The following LIN54 variants were observed in gnomAD, a reference collection of about 807,000 sequenced individuals.
The protein encoded by LIN54 is protein lin-54 homolog.
In LIN54, 9 loss-of-function variants were observed where a neutral mutation model predicts 78.7. That is an observed-to-expected ratio of 0.11 (90% CI 0.07 to 0.20). The LOEUF (loss-of-function observed/expected upper bound fraction) is 0.20, where lower values mean the gene tolerates loss of function less well. Ranked by LOEUF, LIN54 falls within the 10% of genes least tolerant of loss-of-function variation. The pLI is 1.00. For synonymous variants in LIN54, 269 were observed against 318.4 expected (o/e 0.84, Z 1.65); for missense variants, 573 against 889.9 (o/e 0.64, Z 4.53).
At chr4:82,935,118 T>C (rs1722290663) in intron 11 of LIN54, among the ~76,000 whole-genome samples, 1 of 152,018 alleles carries the variant, frequency 6.6e-6, no homozygotes, top group African/African-American at 2.4e-5. Context: ...CCCTTTCCTA[T>C]TTTTATGCTC....
At position 82,924,950 on chromosome 4, in the gene LIN54, A is replaced by T. The variant is rs551538316; in HGVS notation, c.*3152T>A. On this transcript the variant is annotated 3_prime_UTR_variant, in exon 13 of 13. Coordinates refer to ENST00000340417, the MANE Select transcript of LIN54 (RefSeq NM_194282.4). ...ATTTTCTTAACTATTTGTGTTACAG[A>T]ACAATAAAAATAGATAACTTTTCTA... 6.5e-6 allele frequency: 1 copy of T among 152,792 alleles called. No individual in the cohort carries two copies. The highest frequency in any genetic ancestry group is 6.5e-5 in the Admixed American group (1 of 15,306). 9.5% of individuals were successfully genotyped at this position (152,792 alleles called of 1,614,324 possible).
In LIN54 at chr4:83,003,028, G is replaced by A. The variant is rs1729001411; in HGVS notation, c.-33+7456C>T. 2.0e-5 allele frequency among the ~76,000 whole-genome samples: 3 copies of A among 152,044 alleles called. No homozygotes were observed. In the South Asian group the frequency reaches 6.2e-4, roughly 32 times the overall value. ...CTTAGATTTAAGCTTTTTTTTGTGA[G>A]TGTGAGATGGAGTCTTGCTCTGTCA... On this transcript the variant is annotated intron_variant, in intron 1 of 12. Transcript: ENST00000340417.
At chr4:82,956,805 T>C (rs1055020603) in intron 4 of LIN54, among the ~76,000 whole-genome samples, 9 of 151,634 alleles carry the variant, frequency 5.9e-5, no homozygotes, top group African/African-American at 1.7e-4. Flanking sequence ...TAAAAAAACA[T>C]AGAGACAGGG....
intron 1 of LIN54, among the ~76,000 whole-genome samples, chr4:82,988,336 C>T (rs538455589): frequency 3.9e-5 from 6 of 152,152 alleles, no homozygotes; most frequent in Admixed American, 2.0e-4. Flanking sequence ...TTATCTTTAT[C>T]GTTTTACTTA....
intron 11 of LIN54, among the ~76,000 whole-genome samples, chr4:82,932,215 C>G (rs1486624111): frequency 2.0e-5 from 3 of 151,358 alleles, no homozygotes; most frequent in East Asian, 2.0e-4. Flanking sequence ...TTGCCTCAGC[C>G]TCCCGAGTAG....
intron 1 of LIN54, among the ~76,000 whole-genome samples, chr4:82,994,788 A>G (rs1728054609): frequency 6.6e-6 from 1 of 151,982 alleles, no homozygotes; most frequent in Non-Finnish European, 1.5e-5. Flanking sequence ...CAGATCTTTG[A>G]TATCCTTAAT....
chr4:82,962,223 C>T (rs1363864871), intron 4 of LIN54, among the ~76,000 whole-genome samples: 1 of 152,116 alleles, frequency 6.6e-6, no homozygotes, highest in Non-Finnish European at 1.5e-5. Flanking sequence ...TTACATCTGG[C>T]TTAACCCTCA....
rs1423537173 is a variant in LIN54 at position 83,010,567 on chromosome 4, G to A, written c.-116C>T. 1 of 1,217,466 alleles carries A rather than the reference G, an allele frequency of 8.2e-7. No homozygotes were observed. Among genetic ancestry groups the A allele is most frequent in the Non-Finnish European group, 1.0e-6 (1 of 979,128 alleles). 75.4% of individuals were successfully genotyped at this position (1,217,466 alleles called of 1,614,324 possible). On this transcript the variant is annotated 5_prime_UTR_variant, in exon 1 of 13. Transcript: ENST00000340417. Reference sequence around the variant, plus strand: ...CTGGGCAATCCCGAGCCCCGGCGGGGCTTGTTTTGCCCGTGCACGATAGCT... The same window carrying A: ...CTGGGCAATCCCGAGCCCCGGCGGGACTTGTTTTGCCCGTGCACGATAGCT...
chr4:82,928,245 C>G lies in LIN54; in HGVS notation c.2107G>C (p.Ala703Pro). ...VAEATCNCLL[A>P]QAEQADKKGK... ...TTCTTGTCTGCCTGCTCTGCCTGGG[C>G]AAGGAGGCAATTACATGTGGCTTCA... is the stretch of plus-strand genomic sequence containing the variant. The change falls in exon 13 of 13, where the codon GCC (alanine) becomes CCC (proline). Residue 703 changes from alanine (A) to proline (P), a missense_variant. By Grantham distance (27) the Ala-to-Pro change is conservative. This residue lies in a region of LIN54 where 82 missense variants were observed against 140.8 expected (regional missense o/e 0.58). Transcript: ENST00000340417. 1 of 1,614,140 alleles carries G rather than the reference C, an allele frequency of 6.2e-7. No individual in the cohort carries two copies. The highest frequency in any genetic ancestry group is 2.2e-5 in the East Asian group (1 of 44,882).
chr4:82,974,461 G>T (rs1725972105), intron 3 of LIN54, among the ~76,000 whole-genome samples: 1 of 152,116 alleles, frequency 6.6e-6, no homozygotes, highest in African/African-American at 2.4e-5. Flanking sequence ...CAATGGCTGG[G>T]CGTGGTGGCT....
At chr4:82,998,640 A>G (rs1273720910) in intron 1 of LIN54, among the ~76,000 whole-genome samples, 1 of 151,842 alleles carries the variant, frequency 6.6e-6, no homozygotes, top group Admixed American at 6.6e-5. Flanking sequence ...GAGAAAGAAA[A>G]AGAAAGAGAA....
chr4:83,010,658 A>C lies in LIN54; in HGVS notation c.-207T>G. Reference sequence around the variant, plus strand: ...CGCTCCAGGGTACCCGGGGACCGAGAAGGGAGCCGGGGTGGCGACGTCGCC... The same window carrying C: ...CGCTCCAGGGTACCCGGGGACCGAGCAGGGAGCCGGGGTGGCGACGTCGCC... On this transcript the variant is annotated 5_prime_UTR_variant, in exon 1 of 13. Coordinates refer to ENST00000340417, the MANE Select transcript of LIN54 (RefSeq NM_194282.4). 8.1e-7 allele frequency: 1 copy of C among 1,231,326 alleles called. No individual in the cohort carries two copies. Among genetic ancestry groups the C allele is most frequent in the Non-Finnish European group, 1.0e-6 (1 of 987,494 alleles). 76.3% of individuals were successfully genotyped at this position (1,231,326 alleles called of 1,614,324 possible).
intron 1 of LIN54, among the ~76,000 whole-genome samples, chr4:82,989,144 C>T (rs1400725161): frequency 6.6e-6 from 1 of 151,542 alleles, no homozygotes. Flanking sequence ...GCCAAGATCA[C>T]GTCACTGCAC....
At chr4:82,994,077 A>G (rs983684317) in intron 1 of LIN54, among the ~76,000 whole-genome samples, 7 of 152,080 alleles carry the variant, frequency 4.6e-5, no homozygotes, top group South Asian at 2.1e-4. Flanking sequence ...TTTTTACAGT[A>G]AGCCTTTAAT....
At chr4:82,947,232 TA>T (rs1202485840) in intron 4 of LIN54, among the ~76,000 whole-genome samples, 7 of 45,320 alleles carry the variant, frequency 1.5e-4, no homozygotes, top group South Asian at 8.5e-4. Flanking sequence ...TATATATATA[TA>T]TATTTTTTTT....
At position 83,008,329 on chromosome 4, in the gene LIN54, T is replaced by C. The variant is rs141928633; in HGVS notation, c.-33+2155A>G. Among the ~76,000 whole-genome samples, 595 of 152,224 alleles carry C rather than the reference T, an allele frequency of 3.9e-3. 3 individuals carry two copies. Among genetic ancestry groups the C allele is most frequent in the African/African-American group, 0.013 (547 of 41,542 alleles). ...CCCTAGCATACTATATGACACCTAA[T>C]AGACACCCAATAATAATGTTTGAAA... On this transcript the variant is annotated intron_variant, in intron 1 of 12. Coordinates refer to ENST00000340417, the MANE Select transcript of LIN54 (RefSeq NM_194282.4).
At chr4:82,947,228 TATATATA>T (rs1560733373) in intron 4 of LIN54, among the ~76,000 whole-genome samples, 1 of 33,856 alleles carries the variant, frequency 3.0e-5, no homozygotes, top group Non-Finnish European at 6.1e-5. Context: ...TATATATATA[TATATATA>T]TTTTTTTTTT....
chr4:82,943,779 C>T (rs924581077), intron 5 of LIN54, among the ~76,000 whole-genome samples: 1 of 151,066 alleles, frequency 6.6e-6, no homozygotes, highest in Non-Finnish European at 1.5e-5. Flanking sequence ...GAAGGACTGC[C>T]AGGTGGCAAG....
At chr4:82,947,229 A>ATTT (rs1263368630) in intron 4 of LIN54, among the ~76,000 whole-genome samples, 16 of 20,640 alleles carry the variant, frequency 7.8e-4, no homozygotes, top group African/African-American at 2.4e-3. Context: ...ATATATATAT[A>ATTT]TATATATTTT....
Sources: allele counts gnomAD v4.1 joint callset (sites outside exome capture counted in the v4.1 genomes callset), GRCh38; gene constraint gnomAD v4.1.1; regional missense constraint gnomAD v4.1.1; transcripts MANE v1.5; gene names NCBI Gene and HGNC (gene_info 2026-07-23, HGNC 2026-07-21).